The following ABCF3 variants were observed in gnomAD, a reference collection of about 807,000 sequenced individuals.
The protein encoded by ABCF3 is ATP binding cassette subfamily F member 3, also known as ATP-binding cassette sub-family F member 3.
In ABCF3, 62 loss-of-function variants were observed where a neutral mutation model predicts 94.3. That is an observed-to-expected ratio of 0.66 (90% CI 0.54 to 0.81). The LOEUF is 0.81. Ranked by LOEUF, ABCF3 falls within the 40% of genes least tolerant of loss-of-function variation. The pLI is 0.00. For missense variants in ABCF3, 843 were observed against 925.3 expected, an observed-to-expected ratio of 0.91 and a Z score of 1.15; for synonymous variants, 355 against 361.1, an observed-to-expected ratio of 0.98 and a Z score of 0.19.
chr3:184,192,943 G>A (rs1353688308), intron 18 of ABCF3, 47 bp downstream of exon 18: 3 of 1,604,612 alleles, frequency 1.9e-6, no homozygotes, highest in Middle Eastern at 2.0e-4. Flanking sequence ...TAGGGAAGAG[G>A]GCTGAGGCTG....
chr3:184,193,609 G>A lies in ABCF3; in HGVS notation c.2041G>A (p.Glu681Lys), dbSNP rs749482988. Residue 681 changes from glutamate to lysine, a missense_variant, in exon 21 of 21, where the codon GAA (glutamate) becomes AAA (lysine). Transcript: ENST00000429586. This position sits in a 1 kb window ranked among gnomAD's most constrained non-coding sequence, Gnocchi z 5.2. ...GGTGTGCCGGGAGTTGTGGGTATGC[G>A]AAGGAGGCGGCGTCACCCGTGTGGA... ...RLVCRELWVC[E>K]GGGVTRVEGG... The A allele has an allele frequency of 1.9e-5, 30 of 1,614,036 alleles. No homozygotes were observed. The highest frequency in any genetic ancestry group is 9.3e-5 in the African/African-American group (7 of 74,922).
intron 17 of ABCF3, 32 bp downstream of exon 17, chr3:184,192,721 G>A (rs1388031744): frequency 1.2e-6 from 2 of 1,609,560 alleles, no homozygotes; most frequent in Non-Finnish European, 1.7e-6. Flanking sequence ...GCCCCCATGA[G>A]CACATTTGCA....
Position 184,186,237 on chromosome 3 carries a change from C to A in ABCF3, c.30C>A (p.Ser10Arg). 6.2e-7 allele frequency: 1 copy of A among 1,614,226 alleles called. No individual in the cohort carries two copies. Among genetic ancestry groups the A allele is most frequent in the Non-Finnish European group, 8.5e-7 (1 of 1,180,042 alleles). Residue 10 changes from serine (S) to arginine (R), a missense_variant, in exon 1 of 21, where the codon AGC (serine) becomes AGA (arginine). By Grantham distance (110) the Ser-to-Arg change is moderately radical. Transcript: ENST00000429586. The part of the protein sequence containing the change: MATCAEILR[S>R]EFPEIDGQVF... Reference sequence around the variant, plus strand: ...CGACTTGCGCCGAAATCCTGCGGAGCGAGTTCCCCGAAATTGACGGACAAG... The same window carrying A: ...CGACTTGCGCCGAAATCCTGCGGAGAGAGTTCCCCGAAATTGACGGACAAG...
rs1715788910 is a variant in ABCF3, at chr3:184,188,393, G to T, written c.822G>T (p.Gln274His). The T allele has an allele frequency of 6.2e-7, 1 of 1,607,342 alleles. No individual in the cohort carries two copies. The highest frequency in any genetic ancestry group is 1.3e-5 in the African/African-American group (1 of 74,960). Residue 274 changes from glutamine to histidine, a missense_variant, in exon 7 of 21, where the codon CAG becomes CAT. Gln to His is a conservative substitution (Grantham distance 24, BLOSUM62 0). Coordinates refer to ENST00000429586, the MANE Select transcript of ABCF3 (RefSeq NM_018358.3). ...LLRRERELTA[Q>H]IAAGRAEGSE... ...GGAGGGAGCGGGAGCTCACTGCCCA[G>T]ATTGCTGCTGGCAGGTGAGGACTCC... is the stretch of plus-strand genomic sequence containing the variant.
At position 184,187,848 on chromosome 3, in the gene ABCF3, T is replaced by C. The variant is rs755580778; in HGVS notation, c.447-13T>C. ...TGGGGAGCACTAAGAGCTGTCCATT[T>C]CTCCCTTTAAAGAGTCTTAGAAGAG... On this transcript the variant is annotated splice_polypyrimidine_tract_variant and intron_variant, in intron 5 of 20. Coordinates refer to ENST00000429586, the MANE Select transcript of ABCF3 (RefSeq NM_018358.3). The C allele has an allele frequency of 6.2e-7, 1 of 1,614,022 alleles. No individual in the cohort carries two copies. The highest frequency in any genetic ancestry group is 1.1e-5 in the South Asian group (1 of 91,080).
chr3:184,186,963 G>A, intron 3 of ABCF3, 88 bp downstream of exon 3: 3 of 1,354,690 alleles, frequency 2.2e-6, no homozygotes, highest in Non-Finnish European at 3.0e-6. Flanking sequence ...GGGCTCCTAC[G>A]TCTTTTCCAC....
chr3:184,193,895 C>T lies in ABCF3; in HGVS notation c.*197C>T, dbSNP rs1716190671. On this transcript the variant is annotated 3_prime_UTR_variant, in exon 21 of 21. Coordinates refer to ENST00000429586, the MANE Select transcript of ABCF3 (RefSeq NM_018358.3). The surrounding 1 kb of genome is among the most constrained non-coding windows in gnomAD (Gnocchi z 5.2). ...TCCAAGGGTTGGTGAGGACTGGTCT[C>T]CCGGGGGTGGGGGTCTGGGGGGTAC... is the stretch of plus-strand genomic sequence containing the variant. 3 of 702,390 alleles carry T rather than the reference C, an allele frequency of 4.3e-6. No individual in the cohort carries two copies. The highest frequency in any genetic ancestry group is 6.8e-6 in the Non-Finnish European group (3 of 443,374). 43.5% of individuals were successfully genotyped at this position (702,390 alleles called of 1,614,324 possible). A position where few individuals can be genotyped will look rare whatever the true frequency, so the allele number is the denominator to read the frequency against.
intron 7 of ABCF3, 104 bp from the exon 8 acceptor site, chr3:184,188,657 C>T (rs1715805877): frequency 8.1e-7 from 1 of 1,238,826 alleles, no homozygotes; most frequent in Admixed American, 2.2e-5. Context: ...TTCTCTTCCT[C>T]TTCCAGCCAC....
At position 184,189,411 on chromosome 3, in the gene ABCF3, A is replaced by C. The variant is rs1006601439; in HGVS notation, c.1081A>C (p.Arg361=). The C allele has an allele frequency of 1.2e-6, 2 of 1,614,098 alleles. No individual in the cohort carries two copies. The highest frequency in any genetic ancestry group is 1.7e-6 in the Non-Finnish European group (2 of 1,180,020). ...LDEPTNMLDV[R]AILWLENYLQ... Reference sequence around the variant, plus strand: ...AGAACCTACAAACATGCTGGATGTCAGGGCCATCCTGTGGCTGGAGAATTA... The same window carrying C: ...AGAACCTACAAACATGCTGGATGTCCGGGCCATCCTGTGGCTGGAGAATTA... Residue 361 remains arginine, a synonymous_variant, in exon 12 of 21, where the codon AGG becomes CGG. Transcript: ENST00000429586.
Position 184,186,852 on chromosome 3 carries a change from T to G in ABCF3, c.278T>G (p.Leu93Trp). 1 of 1,613,692 alleles carries G rather than the reference T, an allele frequency of 6.2e-7. No homozygotes were observed. Among genetic ancestry groups the G allele is most frequent in the Non-Finnish European group, 8.5e-7 (1 of 1,179,776 alleles). The change falls in exon 3 of 21, where the codon TTG (leucine) becomes TGG (tryptophan). Residue 93 changes from leucine to tryptophan, a missense_variant. By Grantham distance (61) the Leu-to-Trp change is moderately conservative. Transcript: ENST00000429586. The stretch of plus-strand genomic sequence containing the variant: ...GTGCTACTGGACGCCCCTATCCAGT[T>G]GTCAAAGATAACGGAGAACTACGGT... ...SQVLLDAPIQLSKITENYDCG... is the reference protein window; with the variant it reads ...SQVLLDAPIQWSKITENYDCG...
rs754827507 is a variant in ABCF3 at position 184,188,174 on chromosome 3, A to T, written c.603A>T (p.Ala201=). Residue 201 remains alanine, a synonymous_variant, in exon 7 of 21, where the codon GCA becomes GCT. Coordinates refer to ENST00000429586, the MANE Select transcript of ABCF3 (RefSeq NM_018358.3). ...TGGCTGGAGCGGATGTGAACCTGGC[A>T]TGGGGCCGCCGTTACGGGCTGGTGG... is the stretch of plus-strand genomic sequence containing the variant. ...VLLAGADVNL[A]WGRRYGLVGR... 44 of 1,613,860 alleles carry T rather than the reference A, an allele frequency of 2.7e-5. No individual in the cohort carries two copies. The African/African-American group carries it at 5.7e-4, about 21-fold the overall frequency.
At chr3:184,187,311 G>A in intron 3 of ABCF3, 86 bp from the exon 4 acceptor site, 2 of 1,480,550 alleles carry the variant, frequency 1.4e-6, no homozygotes, top group Non-Finnish European at 1.9e-6. Flanking sequence ...AAACATCTGT[G>A]TCTGTGCCTG....
At chr3:184,191,739 GTTAGA>G (rs1411958278) in intron 16 of ABCF3, among the ~76,000 whole-genome samples, 1 of 34,352 alleles carries the variant, frequency 2.9e-5, no homozygotes, top group Non-Finnish European at 6.1e-5. Flanking sequence ...TTTCTGTAGA[GTTAGA>G]GTTCCTTTTT....
chr3:184,189,086 A>G lies in ABCF3; in HGVS notation c.978-2A>G. On this transcript the variant is annotated splice_acceptor_variant, in intron 9 of 20. Coordinates refer to ENST00000429586, the MANE Select transcript of ABCF3 (RefSeq NM_018358.3). LOFTEE classifies it high-confidence loss of function. Reference sequence around the variant, plus strand: ...CCATAATGTGACTCCATCATTCTTTAGGGAGTTCTCAGGTGGCTGGAGGAT... The same window carrying G: ...CCATAATGTGACTCCATCATTCTTTGGGGAGTTCTCAGGTGGCTGGAGGAT... 7.4e-6 allele frequency: 12 copies of G among 1,614,110 alleles called. No homozygotes were observed. The highest frequency in any genetic ancestry group is 1.0e-5 in the Non-Finnish European group (12 of 1,180,018).
chr3:184,186,943 C>A, intron 3 of ABCF3, 68 bp downstream of exon 3: 1 of 1,496,350 alleles, frequency 6.7e-7, no homozygotes, highest in Non-Finnish European at 9.1e-7. Context: ...CATCTGCTGC[C>A]TGCAGCTTAG....
chr3:184,187,125 CCA>C, intron 3 of ABCF3: 1 of 633,114 alleles, frequency 1.6e-6, no homozygotes, highest in Non-Finnish European at 2.7e-6. Context: ...GCTTTCACCC[CCA>C]GTTTTGCAAC....
At position 184,187,593 on chromosome 3, in the gene ABCF3, G is replaced by C; in HGVS notation, c.349-71G>C. The C allele has an allele frequency of 1.9e-6, 3 of 1,580,094 alleles. No individual in the cohort carries two copies. In the South Asian group the frequency reaches 3.3e-5, roughly 18 times the overall value. On this transcript the variant is annotated intron_variant, in intron 4 of 20. Coordinates refer to ENST00000429586, the MANE Select transcript of ABCF3 (RefSeq NM_018358.3). ...ATGGGTAAGTTAAGAGGGTTTACTC[G>C]AGATGTTCTCTCTTGGGGTTCCTTT...
Position 184,193,868 on chromosome 3 carries a change from C to A in ABCF3, c.*170C>A. On this transcript the variant is annotated 3_prime_UTR_variant, in exon 21 of 21. Coordinates refer to ENST00000429586, the MANE Select transcript of ABCF3 (RefSeq NM_018358.3). The surrounding 1 kb of genome is among the most constrained non-coding windows in gnomAD (Gnocchi z 5.2). ...CATCTTCTGCACAACCTTGGGAGCC[C>A]ATCCAAGGGTTGGTGAGGACTGGTC... The A allele has an allele frequency of 1.1e-6, 1 of 928,404 alleles. No homozygotes were observed. Among genetic ancestry groups the A allele is most frequent in the Non-Finnish European group, 1.6e-6 (1 of 641,836 alleles). The allele number at this position is 928,404 out of a possible 1,614,324, so 57.5% of individuals were successfully genotyped here. A position where few individuals can be genotyped will look rare whatever the true frequency, so the allele number is the denominator to read the frequency against.
Position 184,191,245 on chromosome 3 carries a change from G to A in ABCF3, c.1559G>A (p.Arg520His), listed in dbSNP as rs1301386278. The A allele has an allele frequency of 2.5e-6, 4 of 1,614,070 alleles. No individual in the cohort carries two copies. The highest frequency in any genetic ancestry group is 1.6e-4 in the Middle Eastern group (1 of 6,062). ...TCTGTGTCTGCTGATCTCGAGTCTC[G>A]CATCTGTGTGGTAAGGCTGCTGTTT... is the stretch of plus-strand genomic sequence containing the variant. ...RLSVSADLESRICVVGENGAG... is the reference protein window; with the variant it reads ...RLSVSADLESHICVVGENGAG... The change falls in exon 16 of 21, where the codon CGC becomes CAC. Residue 520 changes from arginine (R) to histidine (H), a missense_variant. By Grantham distance (29) the Arg-to-His change is conservative. Coordinates refer to ENST00000429586, the MANE Select transcript of ABCF3 (RefSeq NM_018358.3).
Sources: allele counts gnomAD v4.1 joint callset (sites outside exome capture counted in the v4.1 genomes callset), GRCh38; gene constraint gnomAD v4.1.1; non-coding constraint Gnocchi (gnomAD v3.1); transcripts MANE v1.5; gene names NCBI Gene and HGNC (gene_info 2026-07-23, HGNC 2026-07-21).